The following MYOM2 variants were observed in gnomAD, a reference collection of about 807,000 sequenced individuals.
MYOM2 encodes myomesin 2, also known as myomesin-2.
In MYOM2, 254 loss-of-function variants were observed where a neutral mutation model predicts 187.6. That is an observed-to-expected ratio of 1.35 (90% CI 1.22 to 1.50). The LOEUF (loss-of-function observed/expected upper bound fraction) is 1.50, where lower values mean the gene tolerates loss of function less well. MYOM2 is among the 40% of genes most tolerant of loss of function. The pLI, the probability that MYOM2 is intolerant of heterozygous loss-of-function variation, is 0.00. For missense variants in MYOM2, 2,796 were observed against 1,924.0 expected (o/e 1.45, Z -8.48); for synonymous variants, 981 against 753.8 (o/e 1.30, Z -4.94).
intron 1 of MYOM2, among the ~76,000 whole-genome samples, chr8:2,050,421 T>A (rs1818444285): frequency 6.6e-6 from 1 of 152,234 alleles, no homozygotes; most frequent in Admixed American, 6.5e-5. Flanking sequence ...CTTTAATTAT[T>A]TTTGTACTTC....
At position 2,092,481 on chromosome 8, in the gene MYOM2, T is replaced by A. The variant is rs748454042; in HGVS notation, c.1964T>A (p.Leu655His). Reference protein sequence around the residue: ...YVDCCVAGTNLWEPCNHKPIG... With the variant: ...YVDCCVAGTNHWEPCNHKPIG... Reference sequence around the variant, plus strand: ...GACTGCTGTGTGGCCGGAACCAACCTCTGGGAGCCCTGCAACCACAAGCCC... The same window carrying A: ...GACTGCTGTGTGGCCGGAACCAACCACTGGGAGCCCTGCAACCACAAGCCC... Residue 655 changes from leucine (L) to histidine (H), a missense_variant, in exon 16 of 37, where the codon CTC becomes CAC. Coordinates refer to ENST00000262113, the MANE Select transcript of MYOM2 (RefSeq NM_003970.4). The A allele has an allele frequency of 2.5e-6, 4 of 1,614,052 alleles. No homozygotes were observed. The highest frequency in any genetic ancestry group is 3.4e-6 in the Non-Finnish European group (4 of 1,180,004).
intron 29 of MYOM2, 48 bp downstream of exon 29, chr8:2,123,413 T>C (rs373462745): frequency 6.6e-7 from 1 of 1,516,908 alleles, no homozygotes; most frequent in African/African-American, 1.4e-5. Flanking sequence ...AACGGCACTT[T>C]CAAATAACTC....
intron 3 of MYOM2, among the ~76,000 whole-genome samples, chr8:2,056,828 A>G (rs1441794601): frequency 6.6e-6 from 1 of 152,156 alleles, no homozygotes; most frequent in Non-Finnish European, 1.5e-5. Context: ...GGAAAGCATC[A>G]AGCCGTTTAT....
At chr8:2,128,184 C>G (rs1021610983) in intron 31 of MYOM2, among the ~76,000 whole-genome samples, 1 of 152,150 alleles carries the variant, frequency 6.6e-6, no homozygotes, top group African/African-American at 2.4e-5. Flanking sequence ...ACAATGCACA[C>G]CTTTGGGCAA....
intron 31 of MYOM2, among the ~76,000 whole-genome samples, chr8:2,125,447 C>G (rs2116866406): frequency 6.6e-6 from 1 of 152,176 alleles, no homozygotes; most frequent in South Asian, 2.1e-4. Context: ...ATTGGCCGAT[C>G]TGTCTGTTCT....
At chr8:2,132,548 T>C (rs1204918642) in intron 32 of MYOM2, among the ~76,000 whole-genome samples, 1 of 152,160 alleles carries the variant, frequency 6.6e-6, no homozygotes, top group African/African-American at 2.4e-5. Flanking sequence ...GTCTTGGAAG[T>C]ATCTCAGAAA....
intron 6 of MYOM2, among the ~76,000 whole-genome samples, chr8:2,067,896 A>G (rs1819069949): frequency 6.6e-6 from 1 of 152,114 alleles, no homozygotes; most frequent in South Asian, 2.1e-4. Context: ...GCCTCTTATT[A>G]GCATGGGAAT....
At chr8:2,059,100 A>G in intron 5 of MYOM2, 53 bp from the exon 6 acceptor site, 1 of 1,506,768 alleles carries the variant, frequency 6.6e-7, no homozygotes, top group Non-Finnish European at 9.2e-7. Context: ...AGAATTGCAC[A>G]CACACAAAAT....
At chr8:2,100,805 G>T in intron 19 of MYOM2, 71 bp from the exon 20 acceptor site, 1 of 1,525,820 alleles carries the variant, frequency 6.6e-7, no homozygotes, top group African/African-American at 1.4e-5. Context: ...TGGGTCCCCG[G>T]GGCTGGGTTG....
chr8:2,100,137 C>CTTCCCTCCCTGCCTCCCGCCTTCT (rs1796651696), intron 19 of MYOM2, among the ~76,000 whole-genome samples: 1 of 112,188 alleles, frequency 8.9e-6, no homozygotes, highest in African/African-American at 3.7e-5. Context: ...TCTTTCCTTC[C>CTTCCCTCCCTGCCTCCCGCCTTCT]TTCCTTCCTT....
In MYOM2 at chr8:2,141,275, C is replaced by T. The variant is rs573223836; in HGVS notation, c.4001+98C>T. 1.3e-5 allele frequency: 13 copies of T among 1,037,948 alleles called. 1 individual carries two copies. In the South Asian group the frequency reaches 1.8e-4, roughly 14 times the overall value. 64.3% of individuals were successfully genotyped at this position (1,037,948 alleles called of 1,614,324 possible). A position where few individuals can be genotyped will look rare whatever the true frequency, so the allele number is the denominator to read the frequency against. ...GAATCTGTATGGAAGCCTGGGTGAC[C>T]TAAAGAAAGAGCCATTCCTGGGACA... On this transcript the variant is annotated intron_variant, in intron 34 of 36. Transcript: ENST00000262113.
intron 1 of MYOM2, among the ~76,000 whole-genome samples, chr8:2,050,523 C>A (rs1280177117): frequency 2.0e-5 from 3 of 152,258 alleles, no homozygotes; most frequent in Non-Finnish European, 4.4e-5. Flanking sequence ...GCAGCCCAAT[C>A]TTCCAACTGT....
intron 2 of MYOM2, among the ~76,000 whole-genome samples, chr8:2,051,675 G>C (rs1180706363): frequency 6.6e-6 from 1 of 152,216 alleles, no homozygotes; most frequent in Non-Finnish European, 1.5e-5. Flanking sequence ...CTGGCGTGGA[G>C]CCAGAAAGAC....
chr8:2,087,760 A>G (rs1007764623), intron 14 of MYOM2, among the ~76,000 whole-genome samples: 3 of 152,186 alleles, frequency 2.0e-5, no homozygotes, highest in African/African-American at 7.2e-5. Flanking sequence ...CTGGGACCAC[A>G]GGTGTGTGCC....
At chr8:2,141,920 A>G (rs150992266) in intron 34 of MYOM2, among the ~76,000 whole-genome samples, 5 of 152,332 alleles carry the variant, frequency 3.3e-5, no homozygotes, top group African/African-American at 1.2e-4. Context: ...CAAATGCACC[A>G]TCGAGTCTTC....
chr8:2,113,527 G>T (rs1047787732), intron 25 of MYOM2, among the ~76,000 whole-genome samples: 3 of 152,156 alleles, frequency 2.0e-5, no homozygotes, highest in African/African-American at 7.2e-5. Context: ...AAAGAGGGTG[G>T]TGCAGGGGGT....
chr8:2,110,394 T>C (rs983089950), intron 25 of MYOM2, among the ~76,000 whole-genome samples: 1 of 152,220 alleles, frequency 6.6e-6, no homozygotes, highest in Admixed American at 6.5e-5. Context: ...TTCGATTGTA[T>C]AAAATGAACC....
At position 2,116,215 on chromosome 8, in the gene MYOM2, G is replaced by T; in HGVS notation, c.3326-1G>T. The T allele has an allele frequency of 6.2e-7, 1 of 1,602,088 alleles. No homozygotes were observed. Among genetic ancestry groups the T allele is most frequent in the Non-Finnish European group, 8.5e-7 (1 of 1,175,730 alleles). The stretch of plus-strand genomic sequence containing the variant: ...TATATTTTTTTAAATATTGAATTTA[G>T]CATTCAAGACTGTGCTGGAAGAGGC... On this transcript the variant is annotated splice_acceptor_variant, in intron 26 of 36. Transcript: ENST00000262113. LOFTEE classifies it high-confidence loss of function.
At chr8:2,124,137 A>C in intron 30 of MYOM2, 42 bp from the exon 31 acceptor site, 4 of 1,582,758 alleles carry the variant, frequency 2.5e-6, no homozygotes, top group Non-Finnish European at 3.4e-6. Context: ...CTTTCGGTTA[A>C]AGTTACATGT....
Sources: gnomAD v4.1 joint callset for allele counts (sites outside exome capture counted in the v4.1 genomes callset) on GRCh38, gnomAD v4.1.1 for gene constraint, MANE v1.5 for transcripts, NCBI Gene and HGNC (gene_info 2026-07-23, HGNC 2026-07-21) for gene names.